TMEM132D: variants seen among roughly 807,000 people sequenced by gnomAD.
TMEM132D encodes the protein transmembrane protein 132D, also known as mature OL transmembrane protein.
A neutral mutation model predicts 62.3 loss-of-function variants in TMEM132D; 21 were observed. The ratio of observed to expected loss-of-function variants is 0.34; its 90% CI spans 0.24 to 0.49. The LOEUF is 0.49. Ranked by LOEUF, TMEM132D falls within the 20% of genes least tolerant of loss-of-function variation. The pLI is 0.99. For synonymous variants in TMEM132D, 621 were observed against 575.6 expected (o/e 1.08, Z -1.13); for missense variants, 1,346 against 1,402.8 (o/e 0.96, Z 0.65).
intron 3 of TMEM132D, among the ~76,000 whole-genome samples, chr12:129,428,434 T>G (rs1872559080): frequency 6.6e-6 from 1 of 152,210 alleles, no homozygotes; most frequent in Non-Finnish European, 1.5e-5. Flanking sequence ...CAATTTGCAT[T>G]TTTCTATTTT....
chr12:129,223,613 G>A (rs1026769150), intron 4 of TMEM132D, among the ~76,000 whole-genome samples: 5 of 152,174 alleles, frequency 3.3e-5, no homozygotes, highest in African/African-American at 1.2e-4. Flanking sequence ...ACTATGGTTT[G>A]CTGGTTTCTT....
chr12:129,467,014 A>G (rs1035358339), intron 3 of TMEM132D, among the ~76,000 whole-genome samples: 27 of 152,236 alleles, frequency 1.8e-4, no homozygotes, highest in African/African-American at 6.3e-4. Flanking sequence ...ACAGTCCCTC[A>G]GAGCTGAATC....
intron 1 of TMEM132D, among the ~76,000 whole-genome samples, chr12:129,786,241 G>A (rs1245807639): frequency 6.6e-6 from 1 of 152,022 alleles, no homozygotes; most frequent in Non-Finnish European, 1.5e-5. Context: ...GCGCCCCTGG[G>A]GCCCACATCC....
At chr12:129,698,219 C>G (rs542384409) in intron 2 of TMEM132D, 25 of 152,020 alleles carry the variant, frequency 1.6e-4, no homozygotes, top group African/African-American at 5.5e-4. Flanking sequence ...GATCTAGATC[C>G]GATTTCCAGA....
chr12:129,638,345 G>A (rs1468115874), intron 2 of TMEM132D, among the ~76,000 whole-genome samples: 2 of 151,928 alleles, frequency 1.3e-5, no homozygotes, highest in African/African-American at 4.8e-5. Flanking sequence ...ACATCGGAGG[G>A]TAAGACAGAC....
intron 5 of TMEM132D, among the ~76,000 whole-genome samples, chr12:129,194,981 T>C (rs2135558208): frequency 6.6e-6 from 1 of 152,328 alleles, no homozygotes; most frequent in East Asian, 1.9e-4. Context: ...CAGGCATTTT[T>C]CCAGGCACCG....
chr12:129,547,620 A>C (rs1006124565), intron 2 of TMEM132D, among the ~76,000 whole-genome samples: 5 of 152,212 alleles, frequency 3.3e-5, no homozygotes, highest in African/African-American at 1.2e-4. Context: ...ATTTCCACCC[A>C]AACACAGTGC....
intron 1 of TMEM132D, among the ~76,000 whole-genome samples, chr12:129,714,643 T>TGC (rs2137238958): frequency 6.6e-6 from 1 of 152,336 alleles, no homozygotes; most frequent in East Asian, 1.9e-4. Context: ...TTTGGTAATA[T>TGC]TTCACAGTGT....
At chr12:129,516,960 TACC>T (rs1452899514) in intron 3 of TMEM132D, among the ~76,000 whole-genome samples, 1 of 152,142 alleles carries the variant, frequency 6.6e-6, no homozygotes, top group Admixed American at 6.5e-5. Flanking sequence ...CCAGTTCCAT[TACC>T]ACATCTCCTA....
intron 3 of TMEM132D, among the ~76,000 whole-genome samples, chr12:129,519,062 T>C (rs1875768937): frequency 6.6e-6 from 1 of 152,198 alleles, no homozygotes; most frequent in African/African-American, 2.4e-5. Context: ...CTTTTACATG[T>C]TAAAGATACT....
chr12:129,728,930 C>G (rs1472878400), intron 1 of TMEM132D, among the ~76,000 whole-genome samples: 2 of 152,206 alleles, frequency 1.3e-5, no homozygotes, highest in Non-Finnish European at 2.9e-5. Flanking sequence ...TGAGCTCAAT[C>G]TGGCTCCAAA....
chr12:129,333,938 T>C (rs1038593372), intron 4 of TMEM132D, among the ~76,000 whole-genome samples: 7 of 152,156 alleles, frequency 4.6e-5, no homozygotes, highest in African/African-American at 1.7e-4. Flanking sequence ...CTGGCTAACA[T>C]GGTGAAACCC....
chr12:129,479,610 A>T (rs1874374594), intron 3 of TMEM132D, among the ~76,000 whole-genome samples: 1 of 152,242 alleles, frequency 6.6e-6, no homozygotes, highest in South Asian at 2.1e-4. Flanking sequence ...AAAGAACATG[A>T]TAAATAAGTT....
chr12:129,442,780 G>A (rs1015357228), intron 3 of TMEM132D, among the ~76,000 whole-genome samples: 6 of 152,168 alleles, frequency 3.9e-5, no homozygotes, highest in African/African-American at 1.4e-4. Flanking sequence ...CCAGAAAGGA[G>A]TCAAATACAT....
intron 3 of TMEM132D, among the ~76,000 whole-genome samples, chr12:129,340,314 T>G (rs1413663290): frequency 6.6e-6 from 1 of 152,206 alleles, no homozygotes; most frequent in African/African-American, 2.4e-5. Flanking sequence ...TCTTTTTCTT[T>G]TTTTTTATTA....
chr12:129,192,433 C>A (rs1206250012), intron 5 of TMEM132D, among the ~76,000 whole-genome samples: 3 of 152,152 alleles, frequency 2.0e-5, no homozygotes, highest in East Asian at 1.9e-4. Flanking sequence ...CTTCTTGGAT[C>A]AAAGACCTTC....
At chr12:129,156,328 T>A (rs148113821) in intron 5 of TMEM132D, among the ~76,000 whole-genome samples, 1 of 150,330 alleles carries the variant, frequency 6.7e-6, no homozygotes, top group Admixed American at 6.6e-5. Context: ...AAAATGAACA[T>A]ACTCCCATGA....
intron 3 of TMEM132D, among the ~76,000 whole-genome samples, chr12:129,378,321 A>G (rs1026325263): frequency 1.3e-5 from 2 of 152,198 alleles, no homozygotes; most frequent in Non-Finnish European, 2.9e-5. Flanking sequence ...GGATATTCCA[A>G]CGTTGATCAA....
At chr12:129,356,596 C>A (rs1165723425) in intron 3 of TMEM132D, among the ~76,000 whole-genome samples, 2 of 150,928 alleles carry the variant, frequency 1.3e-5, no homozygotes, top group East Asian at 4.0e-4. Flanking sequence ...GGCGGGAGGG[C>A]TGCTTGACCC....
Sources: allele counts gnomAD v4.1 joint callset (sites outside exome capture counted in the v4.1 genomes callset), GRCh38; gene constraint gnomAD v4.1.1; transcripts MANE v1.5; gene names NCBI Gene and HGNC (gene_info 2026-07-23, HGNC 2026-07-21).